PPARG: variants seen among roughly 807,000 people sequenced by gnomAD.
PPARG encodes the protein peroxisome proliferator-activated receptor gamma.
A neutral mutation model predicts 39.2 loss-of-function variants in PPARG; 17 were observed. The observed-to-expected ratio is 0.43, with a 90% confidence interval of 0.30 to 0.65. The LOEUF (loss-of-function observed/expected upper bound fraction) is 0.65. Ranked by LOEUF, PPARG falls within the 30% of genes least tolerant of loss-of-function variation. The probability of loss-of-function intolerance (pLI) is 0.13; values close to 1 mark genes in which losing one functional copy is unlikely to be tolerated. For synonymous variants in PPARG, 223 were observed against 215.7 expected (o/e 1.03, Z -0.30); for missense variants, 406 against 585.9 (o/e 0.69, Z 3.17).
intron 6 of PPARG, among the ~76,000 whole-genome samples, chr3:12,416,358 G>A (rs1298698157): frequency 1.3e-5 from 2 of 152,102 alleles, no homozygotes; most frequent in African/African-American, 2.4e-5. Context: ...CAGTCTGGGC[G>A]CAGAGTGAGA....
chr3:12,379,996 C>G, intron 3 of PPARG, 65 bp downstream of exon 3: 2 of 1,341,610 alleles, frequency 1.5e-6, no homozygotes, highest in Non-Finnish European at 2.1e-6. Flanking sequence ...CTCAGTAACC[C>G]TGTAATAAAT....
At chr3:12,431,933 A>C (rs75187993) in intron 7 of PPARG, among the ~76,000 whole-genome samples, 1 of 148,586 alleles carries the variant, frequency 6.7e-6, no homozygotes, top group African/African-American at 2.5e-5. Context: ...ACTCTGTCAC[A>C]AAAAAAAAAG....
In PPARG at chr3:12,431,743, CAGCCTGGGCTACGT is replaced by C. The variant is rs1395132664; in HGVS notation, c.1181-2151_1181-2138del. Among the ~76,000 whole-genome samples, 8 of 152,054 alleles carry C rather than the reference CAGCCTGGGCTACGT, an allele frequency of 5.3e-5. No individual in the cohort carries two copies. The South Asian group carries it at 1.7e-3, about 32-fold the overall frequency. On this transcript the variant is annotated intron_variant, in intron 7 of 7. Coordinates refer to ENST00000651735, the MANE Select transcript of PPARG (RefSeq NM_138711.6). ...TTGGTTGAGGCCAGGAGTTTAAGAC[CAGCCTGGGCTACGT>C]AGCAAGACCCCACCTCTACAAAAAA...
chr3:12,329,692 G>A (rs2047795962), intron 2 of PPARG, among the ~76,000 whole-genome samples: 1 of 152,036 alleles, frequency 6.6e-6, no homozygotes, highest in African/African-American at 2.4e-5. Context: ...TTGGTACAGT[G>A]GCATTGGTTA....
chr3:12,360,496 T>C (rs1008187001), intron 2 of PPARG, among the ~76,000 whole-genome samples: 9 of 151,486 alleles, frequency 5.9e-5, no homozygotes, highest in African/African-American at 1.2e-4. Flanking sequence ...AACTCTTTTA[T>C]TGAAGTATAA....
intron 6 of PPARG, among the ~76,000 whole-genome samples, chr3:12,414,530 GC>G (rs2050993472): frequency 6.6e-6 from 1 of 152,022 alleles, no homozygotes; most frequent in Non-Finnish European, 1.5e-5. Context: ...ACTGTAAAAT[GC>G]CTGGAGGACA....
intron 1 of PPARG, among the ~76,000 whole-genome samples, chr3:12,296,528 C>T (rs2046791010): frequency 1.3e-5 from 2 of 152,086 alleles, no homozygotes; most frequent in Admixed American, 1.3e-4. Flanking sequence ...TCTAGTAAGC[C>T]TTACCCTTGC....
intron 6 of PPARG, among the ~76,000 whole-genome samples, chr3:12,408,562 CTTTTCTTT>C (rs2050757220): frequency 4.9e-5 from 6 of 122,728 alleles, no homozygotes; most frequent in Admixed American, 4.2e-4. Context: ...CTTTTCTTTT[CTTTTCTTT>C]TTTTTTTTTT....
intron 5 of PPARG, among the ~76,000 whole-genome samples, chr3:12,396,553 TC>T (rs947795414): frequency 3.3e-5 from 5 of 152,130 alleles, no homozygotes; most frequent in African/African-American, 1.2e-4. Flanking sequence ...GCTGAGGAGT[TC>T]GAGACCAGCC....
At chr3:12,376,041 C>T (rs752646483) in intron 2 of PPARG, among the ~76,000 whole-genome samples, 2 of 151,954 alleles carry the variant, frequency 1.3e-5, no homozygotes, top group Non-Finnish European at 2.9e-5. Flanking sequence ...CCTCTCTCTC[C>T]TGGGTTCAAG....
chr3:12,299,683 T>TTATAAATTAA (rs2046879570), intron 1 of PPARG, among the ~76,000 whole-genome samples: 5 of 152,306 alleles, frequency 3.3e-5, no homozygotes, highest in Middle Eastern at 3.4e-3. Flanking sequence ...AGTGGTTAAC[T>TTATAAATTAA]ATTCAAGTGA....
intron 7 of PPARG, among the ~76,000 whole-genome samples, chr3:12,428,036 C>T (rs1395659110): frequency 1.3e-5 from 2 of 152,180 alleles, no homozygotes; most frequent in Non-Finnish European, 2.9e-5. Flanking sequence ...ACAAAACCAC[C>T]TGCATTTTTT....
chr3:12,392,855 A>C, intron 5 of PPARG, 103 bp downstream of exon 5: 11 of 1,405,550 alleles, frequency 7.8e-6, no homozygotes, highest in Non-Finnish European at 1.0e-5. Context: ...TTTTCCACCA[A>C]ATGCCAGAAT....
intron 2 of PPARG, among the ~76,000 whole-genome samples, chr3:12,372,892 C>G (rs200420057): frequency 6.6e-6 from 1 of 152,176 alleles, no homozygotes; most frequent in East Asian, 1.9e-4. Context: ...CATCCATGTC[C>G]TTTGCTCACA....
intron 2 of PPARG, among the ~76,000 whole-genome samples, chr3:12,325,148 C>T (rs889747239): frequency 1.3e-5 from 2 of 151,562 alleles, no homozygotes; most frequent in East Asian, 1.9e-4. Flanking sequence ...ATTGTCTGGG[C>T]GCAGTGGCTC....
At chr3:12,315,309 G>A (rs375415240) in intron 2 of PPARG, among the ~76,000 whole-genome samples, 5 of 152,140 alleles carry the variant, frequency 3.3e-5, no homozygotes, top group East Asian at 1.9e-4. Context: ...GTATTCCATC[G>A]TGTATGTGAG....
chr3:12,292,493 G>A lies in PPARG; in HGVS notation c.-83+3359G>A, dbSNP rs552314727. The stretch of plus-strand genomic sequence containing the variant: ...GACTTGTGCTTGTCATTAAAAATGG[G>A]TCTCTTTCAACAAGCACTCACCAAA... On this transcript the variant is annotated intron_variant, in intron 1 of 7. Transcript: ENST00000651735. Among the ~76,000 whole-genome samples the A allele has an allele frequency of 2.2e-3, 337 of 152,204 alleles. 2 individuals are homozygous for A. The highest frequency in any genetic ancestry group is 7.4e-3 in the African/African-American group (307 of 41,524).
At chr3:12,289,268 T>C (rs2046589371) in intron 1 of PPARG, 134 bp downstream of exon 1, 1 of 152,192 alleles carries the variant, frequency 6.6e-6, no homozygotes, top group Non-Finnish European at 1.5e-5. Context: ...TCCAATTCAC[T>C]TGGGTCATAG....
intron 1 of PPARG, among the ~76,000 whole-genome samples, chr3:12,293,006 C>G (rs1235860140): frequency 6.6e-6 from 1 of 152,194 alleles, no homozygotes; most frequent in African/African-American, 2.4e-5. Flanking sequence ...CTGAGTGTCC[C>G]TGTCCGGGAG....
Sources: allele counts gnomAD v4.1 joint callset (sites outside exome capture counted in the v4.1 genomes callset), GRCh38; gene constraint gnomAD v4.1.1; transcripts MANE v1.5; gene names NCBI Gene and HGNC (gene_info 2026-07-23, HGNC 2026-07-21).